ANKS1B: variants seen among roughly 807,000 people sequenced by gnomAD.
The protein encoded by ANKS1B is ankyrin repeat and sterile alpha motif domain containing 1B.
In ANKS1B, 36 loss-of-function variants were observed where a neutral mutation model predicts 148.3. The observed-to-expected ratio is 0.24, with a 90% confidence interval of 0.19 to 0.32. The LOEUF (loss-of-function observed/expected upper bound fraction) is 0.32, where lower values mean the gene tolerates loss of function less well. Among genes scored for constraint, ANKS1B ranks in the 10% least tolerant of loss-of-function variants. The probability of loss-of-function intolerance (pLI) is 1.00; values close to 1 mark genes in which losing one functional copy is unlikely to be tolerated. For synonymous variants in ANKS1B, 542 were observed against 560.8 expected (o/e 0.97, Z 0.47); for missense variants, 1,157 against 1,542.6 (o/e 0.75, Z 4.19).
intron 25 of ANKS1B, among the ~76,000 whole-genome samples, chr12:98,771,178 CT>C (rs912226394): frequency 2.0e-5 from 3 of 151,072 alleles, no homozygotes; most frequent in Admixed American, 6.6e-5. Flanking sequence ...ACAAGACCAA[CT>C]TTTTTTTTGA....
At chr12:99,410,757 A>G (rs2152668828) in intron 11 of ANKS1B, among the ~76,000 whole-genome samples, 1 of 152,356 alleles carries the variant, frequency 6.6e-6, no homozygotes, top group East Asian at 1.9e-4. Context: ...ACTGTGATTG[A>G]ATCAGGGAAC....
At chr12:98,947,941 G>A (rs189640459) in intron 17 of ANKS1B, among the ~76,000 whole-genome samples, 3 of 152,102 alleles carry the variant, frequency 2.0e-5, no homozygotes, top group East Asian at 1.9e-4. Flanking sequence ...CTTACCAACC[G>A]GTGTGAGATA....
chr12:98,950,551 C>G (rs760259959), intron 17 of ANKS1B, among the ~76,000 whole-genome samples: 2 of 151,976 alleles, frequency 1.3e-5, no homozygotes, highest in Admixed American at 1.3e-4. Flanking sequence ...CCTGCGAGTC[C>G]TAAGGAAACT....
chr12:99,873,732 A>G (rs11110078), intron 1 of ANKS1B, among the ~76,000 whole-genome samples: 94,592 of 151,922 alleles, frequency 0.62, 31,128 homozygotes, highest in African/African-American at 0.79. Context: ...CAAAGATTCC[A>G]TGATGGCAAT....
chr12:99,700,147 T>C (rs919500795), intron 8 of ANKS1B, among the ~76,000 whole-genome samples: 2 of 152,166 alleles, frequency 1.3e-5, no homozygotes, highest in Admixed American at 1.3e-4. Flanking sequence ...TTTTTAACAT[T>C]GTAATTTTTA....
intron 8 of ANKS1B, among the ~76,000 whole-genome samples, chr12:99,768,366 A>G (rs2062850707): frequency 6.6e-6 from 1 of 152,062 alleles, no homozygotes; most frequent in South Asian, 2.1e-4. Context: ...TGCAGTTTGG[A>G]TTTTCCTTGA....
At chr12:99,682,569 G>T (rs2098627582) in intron 8 of ANKS1B, among the ~76,000 whole-genome samples, 1 of 152,104 alleles carries the variant, frequency 6.6e-6, no homozygotes, top group Non-Finnish European at 1.5e-5. Flanking sequence ...CAATAATAGT[G>T]ACACATCCTA....
intron 10 of ANKS1B, among the ~76,000 whole-genome samples, chr12:99,495,459 T>C (rs7969756): frequency 1.3e-5 from 2 of 152,060 alleles, no homozygotes; most frequent in African/African-American, 4.8e-5. Flanking sequence ...TTTTAATTGG[T>C]AAACTGTCCA....
chr12:99,154,807 C>A, intron 14 of ANKS1B: 1 of 1,497,410 alleles, frequency 6.7e-7, no homozygotes, highest in Non-Finnish European at 8.8e-7. Flanking sequence ...AGTACTCCTA[C>A]ACTCATCAGT....
Position 99,861,375 on chromosome 12 carries a change from T to A in ANKS1B, c.135-35986A>T, listed in dbSNP as rs572988609. ...TACAGTAAATCAAATTGTTAAGAAG[T>A]GTAATTTCTTTAAAAAGATATATCT... is the stretch of plus-strand genomic sequence containing the variant. On this transcript the variant is annotated intron_variant, in intron 1 of 26. Coordinates refer to ENST00000683438, the MANE Select transcript of ANKS1B (RefSeq NM_001352186.2). 1.8e-4 allele frequency among the ~76,000 whole-genome samples: 28 copies of A among 152,336 alleles called. No individual in the cohort carries two copies. In the South Asian group the frequency reaches 2.9e-3, roughly 16 times the overall value.
intron 12 of ANKS1B, among the ~76,000 whole-genome samples, chr12:99,278,479 C>T (rs2077971819): frequency 6.6e-6 from 1 of 152,166 alleles, no homozygotes; most frequent in Admixed American, 6.5e-5. Context: ...CTAATATGGA[C>T]AGAGACATAG....
chr12:99,776,626 G>A (rs1237769411), intron 6 of ANKS1B, among the ~76,000 whole-genome samples: 1 of 152,100 alleles, frequency 6.6e-6, no homozygotes, highest in Non-Finnish European at 1.5e-5. Context: ...TTCTTTTAGA[G>A]AAACCAAAAC....
chr12:99,133,285 TCA>T (rs1322037371), intron 15 of ANKS1B, among the ~76,000 whole-genome samples: 3 of 152,164 alleles, frequency 2.0e-5, no homozygotes, highest in Admixed American at 2.0e-4. Flanking sequence ...ACTCCTGACC[TCA>T]GGTGATCCAC....
chr12:99,506,639 G>C (rs761229905), intron 9 of ANKS1B, among the ~76,000 whole-genome samples: 8 of 151,880 alleles, frequency 5.3e-5, no homozygotes, highest in African/African-American at 1.2e-4. Flanking sequence ...TCCCACAAAG[G>C]GGGGATGGAG....
intron 8 of ANKS1B, among the ~76,000 whole-genome samples, chr12:99,660,644 T>C (rs2098472821): frequency 6.6e-6 from 1 of 152,188 alleles, no homozygotes. Flanking sequence ...ATTACAAGCA[T>C]GGGCCACCGT....
intron 16 of ANKS1B, among the ~76,000 whole-genome samples, chr12:99,075,875 TA>T (rs2153600872): frequency 6.7e-6 from 1 of 148,490 alleles, no homozygotes; most frequent in South Asian, 2.1e-4. Context: ...ATTTGTATTA[TA>T]AAATATATAT....
chr12:99,846,655 T>C (rs1039106844), intron 1 of ANKS1B, among the ~76,000 whole-genome samples: 3 of 152,068 alleles, frequency 2.0e-5, no homozygotes, highest in Non-Finnish European at 2.9e-5. Flanking sequence ...TTTAAAAAGA[T>C]TATATGAGAT....
chr12:99,815,553 C>T (rs2068997939), intron 2 of ANKS1B, among the ~76,000 whole-genome samples: 1 of 151,354 alleles, frequency 6.6e-6, no homozygotes, highest in Non-Finnish European at 1.5e-5. Flanking sequence ...ATGGGTAACA[C>T]TTTAGTGGTA....
intron 10 of ANKS1B, among the ~76,000 whole-genome samples, chr12:99,494,687 C>T (rs138096539): frequency 2.5e-4 from 34 of 138,180 alleles, no homozygotes; most frequent in Non-Finnish European, 4.6e-4. Context: ...GAGCCGAGAT[C>T]GTGCCCCTGC....
Sources: allele counts gnomAD v4.1 joint callset (sites outside exome capture counted in the v4.1 genomes callset), GRCh38; gene constraint gnomAD v4.1.1; transcripts MANE v1.5; gene names NCBI Gene and HGNC (gene_info 2026-07-23, HGNC 2026-07-21).